CCND3: variants seen among roughly 807,000 people sequenced by gnomAD.
The protein encoded by CCND3 is cyclin D3, also known as G1/S-specific cyclin-D3.
In CCND3, 9 loss-of-function variants were observed where a neutral mutation model predicts 28.7. That is an observed-to-expected ratio of 0.31 (90% CI 0.19 to 0.55). The LOEUF (loss-of-function observed/expected upper bound fraction) is 0.55. CCND3 is among the 20% of genes least tolerant of loss of function. The probability of loss-of-function intolerance (pLI) is 0.93; values close to 1 mark genes in which losing one functional copy is unlikely to be tolerated. For synonymous variants in CCND3, 164 were observed against 163.9 expected (o/e 1.00, Z 0.00); for missense variants, 315 against 385.8 (o/e 0.82, Z 1.54).
chr6:41,985,304 CTTTTTTTT>C (rs56672487), intron 1 of CCND3, among the ~76,000 whole-genome samples: 1 of 53,284 alleles, frequency 1.9e-5, no homozygotes, highest in Non-Finnish European at 3.2e-5. Context: ...CAGTTCAAGT[CTTTTTTTT>C]TTTTTTTTTT....
At chr6:41,997,823 G>C (rs1251674389) in intron 1 of CCND3, among the ~76,000 whole-genome samples, 1 of 151,800 alleles carries the variant, frequency 6.6e-6, no homozygotes, top group African/African-American at 2.4e-5. Flanking sequence ...CATCTCTAAG[G>C]TCCATTCCCA....
intron 1 of CCND3, among the ~76,000 whole-genome samples, chr6:41,981,953 T>A (rs528608587): frequency 6.6e-6 from 1 of 151,416 alleles, no homozygotes. Context: ...CTGGACAGCA[T>A]AGTGAGACCC....
intron 1 of CCND3, among the ~76,000 whole-genome samples, chr6:41,981,301 G>C (rs1290556493): frequency 6.6e-6 from 1 of 152,042 alleles, no homozygotes; most frequent in Non-Finnish European, 1.5e-5. Context: ...CGCCTCCCCA[G>C]TTCAAGCAAT....
At chr6:41,982,305 T>C (rs1331178811) in intron 1 of CCND3, among the ~76,000 whole-genome samples, 1 of 151,818 alleles carries the variant, frequency 6.6e-6, no homozygotes, top group East Asian at 1.9e-4. Context: ...TCATTTCCTA[T>C]ATACTAGCAA....
At chr6:41,951,564 AC>A (rs776147588) in intron 1 of CCND3, among the ~76,000 whole-genome samples, 14,181 of 94,476 alleles carry the variant, frequency 0.15, 2,390 homozygotes, top group Non-Finnish European at 0.23. Context: ...ACACACACAC[AC>A]ACACACACAC....
intron 1 of CCND3, among the ~76,000 whole-genome samples, chr6:41,976,042 A>T (rs1474549942): frequency 6.6e-6 from 1 of 150,922 alleles, no homozygotes; most frequent in East Asian, 1.9e-4. Context: ...CTGTCTCTAT[A>T]AAAAAAAATT....
At chr6:41,949,586 C>G (rs1047080195) in intron 1 of CCND3, among the ~76,000 whole-genome samples, 1 of 151,126 alleles carries the variant, frequency 6.6e-6, no homozygotes, top group Admixed American at 6.6e-5. Context: ...GAGCGAGACT[C>G]CGTCTCAAAA....
intron 1 of CCND3, among the ~76,000 whole-genome samples, chr6:41,998,710 G>C (rs528396274): frequency 6.7e-6 from 1 of 150,100 alleles, no homozygotes; most frequent in African/African-American, 2.5e-5. Flanking sequence ...ACAGAGTTTC[G>C]CTCTTGTTGT....
At chr6:42,001,842 C>G (rs532300013) in intron 1 of CCND3, among the ~76,000 whole-genome samples, 1 of 152,056 alleles carries the variant, frequency 6.6e-6, no homozygotes, top group East Asian at 1.9e-4. Context: ...GGGCCGGGCA[C>G]GGTAGCTCAT....
chr6:42,008,249 G>A (rs1216709375), intron 1 of CCND3, among the ~76,000 whole-genome samples: 1 of 151,960 alleles, frequency 6.6e-6, no homozygotes, highest in African/African-American at 2.4e-5. Flanking sequence ...GGTGGGGCGG[G>A]CGCCTGTAAT....
chr6:41,991,970 A>G (rs1331691275), intron 1 of CCND3, among the ~76,000 whole-genome samples: 2 of 152,156 alleles, frequency 1.3e-5, no homozygotes, highest in Non-Finnish European at 2.9e-5. Flanking sequence ...TGTACGTGCC[A>G]CATTTTCTTC....
chr6:42,022,915 G>A (rs182486252), intron 1 of CCND3, among the ~76,000 whole-genome samples: 1 of 152,336 alleles, frequency 6.6e-6, no homozygotes, highest in East Asian at 1.9e-4. Flanking sequence ...CCCCATGCTG[G>A]GCCAGGCAGT....
chr6:41,982,040 C>T (rs991245134), intron 1 of CCND3, among the ~76,000 whole-genome samples: 8 of 151,418 alleles, frequency 5.3e-5, no homozygotes, highest in East Asian at 2.0e-4. Flanking sequence ...GAGGCTGAGG[C>T]GGGCAGATCA....
At chr6:41,990,592 A>G (rs984931485) in intron 1 of CCND3, among the ~76,000 whole-genome samples, 1 of 152,066 alleles carries the variant, frequency 6.6e-6, no homozygotes, top group Non-Finnish European at 1.5e-5. Flanking sequence ...TGACATAAAA[A>G]TAGACACATA....
In CCND3 at chr6:41,941,446, C is replaced by T. The variant is rs770832153; in HGVS notation, c.198+6G>A. Reference sequence around the variant, plus strand: ...GGTGGGGGAGGGGGACGCGTCCGGGCGGTACCTCCAGCATCCAGTAAGCCA... The same window carrying T: ...GGTGGGGGAGGGGGACGCGTCCGGGTGGTACCTCCAGCATCCAGTAAGCCA... On this transcript the variant is annotated splice_donor_region_variant and intron_variant, in intron 1 of 4. Coordinates refer to ENST00000372991, the MANE Select transcript of CCND3 (RefSeq NM_001760.5). The surrounding 1 kb of genome is among the most constrained non-coding windows in gnomAD (Gnocchi z 6.1). 6.2e-7 allele frequency: 1 copy of T among 1,607,202 alleles called. No individual in the cohort carries two copies. The highest frequency in any genetic ancestry group is 1.3e-5 in the African/African-American group (1 of 74,560).
In CCND3 at chr6:41,935,969, G is replaced by A. The variant is rs1405358214; in HGVS notation, c.850C>T (p.Pro284Ser). 1 of 1,612,846 alleles carries A rather than the reference G, an allele frequency of 6.2e-7. No individual in the cohort carries two copies. Among genetic ancestry groups the A allele is most frequent in the Non-Finnish European group, 8.5e-7 (1 of 1,179,546 alleles). ...SSQGPSQTST[P>S]TDVTAIHL is the part of the protein sequence containing the mutation. ...AGGTGTATGGCTGTGACATCTGTAG[G>A]AGTGCTGGTCTGGCTGGGCCCTTGG... is the stretch of plus-strand genomic sequence containing the variant. Residue 284 changes from proline to serine, a missense_variant, in exon 5 of 5, where the codon CCT becomes TCT. Coordinates refer to ENST00000372991, the MANE Select transcript of CCND3 (RefSeq NM_001760.5).
intron 1 of CCND3, among the ~76,000 whole-genome samples, chr6:42,012,353 T>C (rs1186976783): frequency 1.4e-5 from 2 of 143,584 alleles, no homozygotes; most frequent in African/African-American, 5.3e-5. Context: ...GGGCGGGGAG[T>C]GGAGGTTGCA....
At position 42,048,926 on chromosome 6, in the gene CCND3, T is replaced by C. The variant is rs1764634363; in HGVS notation, c.-471A>G. 4.2e-6 allele frequency: 1 copy of C among 236,154 alleles called. No individual in the cohort carries two copies. The highest frequency in any genetic ancestry group is 4.4e-5 in the South Asian group (1 of 22,588). 14.6% of individuals were successfully genotyped at this position (236,154 alleles called of 1,614,324 possible). On this transcript the variant is annotated 5_prime_UTR_variant, in exon 1 of 5. Transcript: ENST00000372988. The surrounding 1 kb of genome is among the most constrained non-coding windows in gnomAD (Gnocchi z 4.7). ...GCGGGGCGCCACGGAGGCTCAGGTG[T>C]GGGCGGCGGGGCCGGGGCAGCACGG...
At position 41,939,688 on chromosome 6, in the gene CCND3, C is replaced by A. The variant is rs749602594; in HGVS notation, c.414+682G>T. The stretch of plus-strand genomic sequence containing the variant: ...AGATGCAGCTCACCTCCCTGTCTGT[C>A]CCTCAGCTTGGGCCTTGGGCTAAGG... On this transcript the variant is annotated intron_variant, in intron 2 of 4. Transcript: ENST00000372991. This position sits in a 1 kb window ranked among gnomAD's most constrained non-coding sequence, Gnocchi z 4.2. Among the ~76,000 whole-genome samples, 4 of 152,186 alleles carry A rather than the reference C, an allele frequency of 2.6e-5. No individual in the cohort carries two copies. The highest frequency in any genetic ancestry group is 4.4e-5 in the Non-Finnish European group (3 of 68,028).
Sources: gnomAD v4.1 joint callset for allele counts (sites outside exome capture counted in the v4.1 genomes callset) on GRCh38, gnomAD v4.1.1 for gene constraint, Gnocchi (gnomAD v3.1) non-coding constraint, MANE v1.5 for transcripts, NCBI Gene and HGNC (gene_info 2026-07-23, HGNC 2026-07-21) for gene names.